The following TRPM3 variants were observed in gnomAD, a reference collection of about 807,000 sequenced individuals.
TRPM3 encodes long transient receptor potential channel 3.
TRPM3 carries 77 observed loss-of-function variants against 181.2 expected under a neutral mutation model. The observed-to-expected ratio is 0.42, with a 90% confidence interval of 0.35 to 0.51. The LOEUF is 0.51. Among genes scored for constraint, TRPM3 ranks in the 20% least tolerant of loss-of-function variants. The pLI is 0.01. For missense variants in TRPM3, 1,759 were observed against 2,196.7 expected (o/e 0.80, Z 3.98); for synonymous variants, 745 against 796.4 (o/e 0.94, Z 1.09).
At chr9:70,893,385 T>C (rs2096239744) in intron 1 of TRPM3, among the ~76,000 whole-genome samples, 1 of 152,138 alleles carries the variant, frequency 6.6e-6, no homozygotes, top group Non-Finnish European at 1.5e-5. Flanking sequence ...AGGGCTCTCA[T>C]TAGGTTCAAG....
At chr9:71,222,916 C>T (rs2080328298) in intron 1 of TRPM3, among the ~76,000 whole-genome samples, 1 of 152,122 alleles carries the variant, frequency 6.6e-6, no homozygotes, top group African/African-American at 2.4e-5. Flanking sequence ...CAAGCCTCAC[C>T]ACCATGGGAT....
At chr9:70,604,899 A>G (rs2060731450) in intron 19 of TRPM3, among the ~76,000 whole-genome samples, 2 of 148,988 alleles carry the variant, frequency 1.3e-5, no homozygotes, top group Admixed American at 1.3e-4. Context: ...CCTCCTATCT[A>G]TCTTGGCCTC....
At chr9:71,228,004 T>C (rs2080803077) in intron 1 of TRPM3, among the ~76,000 whole-genome samples, 1 of 152,150 alleles carries the variant, frequency 6.6e-6, no homozygotes, top group Admixed American at 6.6e-5. Context: ...ATTACCCTGA[T>C]CATCAAACCA....
chr9:70,898,797 A>G (rs1464386468), intron 1 of TRPM3, among the ~76,000 whole-genome samples: 1 of 151,850 alleles, frequency 6.6e-6, no homozygotes. Flanking sequence ...GAAAGAAAAA[A>G]TTTACTGGTT....
intron 19 of TRPM3, among the ~76,000 whole-genome samples, chr9:70,605,990 A>ACAT (rs2061018138): frequency 6.6e-6 from 1 of 152,214 alleles, no homozygotes; most frequent in Non-Finnish European, 1.5e-5. Flanking sequence ...CCTTGAACCT[A>ACAT]CATCTGTCCT....
chr9:70,671,995 C>T (rs1035498859), intron 9 of TRPM3, among the ~76,000 whole-genome samples: 1 of 151,036 alleles, frequency 6.6e-6, no homozygotes, highest in African/African-American at 2.4e-5. Flanking sequence ...GTCTTGAACT[C>T]CTGACCTCAA....
intron 1 of TRPM3, among the ~76,000 whole-genome samples, chr9:71,044,303 C>G (rs1286105340): frequency 6.6e-6 from 1 of 152,152 alleles, no homozygotes; most frequent in Non-Finnish European, 1.5e-5. Context: ...CCTCACCACC[C>G]CTAAGCAGCT....
chr9:70,861,980 G>A (rs1211414479), intron 3 of TRPM3, among the ~76,000 whole-genome samples: 2 of 152,162 alleles, frequency 1.3e-5, no homozygotes, highest in East Asian at 3.9e-4. Context: ...ACAGGGAAGG[G>A]AGAGGTAAGA....
At chr9:71,446,846 C>T (rs2094210685), upstream of TRPM3, 1 of 1,532,568 alleles carries the variant, frequency 6.5e-7, no homozygotes. Context: ...GAGAAGTTCG[C>T]CTCCCTCGGC....
intron 8 of TRPM3, among the ~76,000 whole-genome samples, chr9:70,695,215 T>C (rs1291527145): frequency 6.6e-6 from 1 of 152,216 alleles, no homozygotes; most frequent in African/African-American, 2.4e-5. Flanking sequence ...CAAAACTGAA[T>C]CTTGCCAGTT....
intron 1 of TRPM3, among the ~76,000 whole-genome samples, chr9:71,115,158 C>T (rs2072054279): frequency 6.6e-6 from 1 of 152,034 alleles, no homozygotes; most frequent in South Asian, 2.1e-4. Flanking sequence ...TCCCAGATAC[C>T]AGCATCAGAG....
In TRPM3 at chr9:71,032,041, TA is replaced by T. The variant is rs1565023516; in HGVS notation, c.177+89136del. The stretch of plus-strand genomic sequence containing the variant: ...TATATATATATAATATAAATATATA[TA>T]TATATATTATATATATTATATATAT... On this transcript the variant is annotated intron_variant, in intron 1 of 25. Coordinates refer to ENST00000677713, the MANE Select transcript of TRPM3 (RefSeq NM_001366145.2). Among the ~76,000 whole-genome samples the T allele has an allele frequency of 5.7e-5, 3 of 52,550 alleles. 1 individual carries two copies. The highest frequency in any genetic ancestry group is 1.1e-4 in the Non-Finnish European group (3 of 26,734). The allele number at this position is 52,550 out of a possible 152,430, so 34.5% of individuals were successfully genotyped here.
In TRPM3 at chr9:70,530,331, G is replaced by A. The variant is rs2040713821; in HGVS notation, c.*5622C>T. On this transcript the variant is annotated 3_prime_UTR_variant, in exon 26 of 26. Coordinates refer to ENST00000677713, the MANE Select transcript of TRPM3 (RefSeq NM_001366145.2). ...GGGAGAAAGAAAGCCGCACATCCAG[G>A]CACAAGGCTGAATTTCCCCCTTTGC... 6.6e-6 allele frequency: 1 copy of A among 152,280 alleles called. No individual in the cohort carries two copies. 9.4% of individuals were successfully genotyped at this position (152,280 alleles called of 1,614,324 possible).
chr9:71,329,790 C>A (rs965567964), intron 1 of TRPM3, among the ~76,000 whole-genome samples: 3 of 151,956 alleles, frequency 2.0e-5, no homozygotes, highest in Admixed American at 2.0e-4. Context: ...TATTGTCTAA[C>A]AATGTAAAAA....
chr9:70,557,072 T>TGTGGGAGAAAGTACA, intron 22 of TRPM3, among the ~76,000 whole-genome samples: 1 of 152,356 alleles, frequency 6.6e-6, no homozygotes, highest in Non-Finnish European at 1.5e-5. Context: ...TATAATATGC[T>TGTGGGAGAAAGTACA]GAATACAGGG....
chr9:70,790,266 C>G (rs2085049718), intron 6 of TRPM3, among the ~76,000 whole-genome samples: 1 of 152,146 alleles, frequency 6.6e-6, no homozygotes, highest in Admixed American at 6.6e-5. Context: ...CATTCTCTAC[C>G]TACATCTTAA....
intron 1 of TRPM3, among the ~76,000 whole-genome samples, chr9:71,057,246 A>C (rs2060774139): frequency 1.3e-5 from 2 of 151,950 alleles, no homozygotes; most frequent in African/African-American, 4.8e-5. Flanking sequence ...TTCTGGGCAC[A>C]TTTAACTGAA....
At chr9:71,406,926 T>A (rs776905679) in intron 1 of TRPM3, among the ~76,000 whole-genome samples, 24 of 152,060 alleles carry the variant, frequency 1.6e-4, no homozygotes, top group Non-Finnish European at 3.1e-4. Flanking sequence ...GTATCAGCGC[T>A]GCAAAGAAGC....
intron 1 of TRPM3, among the ~76,000 whole-genome samples, chr9:71,245,123 G>A (rs1246757775): frequency 6.6e-6 from 1 of 152,086 alleles, no homozygotes; most frequent in Non-Finnish European, 1.5e-5. Context: ...ATGTAGAAAG[G>A]TGGTTTTGTG....
Sources: gnomAD v4.1 joint callset for allele counts (sites outside exome capture counted in the v4.1 genomes callset) on GRCh38, gnomAD v4.1.1 for gene constraint, MANE v1.5 for transcripts, NCBI Gene and HGNC (gene_info 2026-07-23, HGNC 2026-07-21) for gene names.